MCTP1: variants seen among roughly 807,000 people sequenced by gnomAD.
The protein encoded by MCTP1 is multiple C2 and transmembrane domain-containing protein 1.
MCTP1 carries 69 observed loss-of-function variants against 120.6 expected under a neutral mutation model. The ratio of observed to expected loss-of-function variants is 0.57; its 90% CI spans 0.47 to 0.70. The LOEUF (loss-of-function observed/expected upper bound fraction) is 0.70, where lower values mean the gene tolerates loss of function less well. MCTP1 is among the 30% of genes least tolerant of loss of function. The probability of loss-of-function intolerance (pLI) is 0.00; values close to 1 mark genes in which losing one functional copy is unlikely to be tolerated. For synonymous variants in MCTP1, 529 were observed against 493.1 expected (o/e 1.07, Z -0.96); for missense variants, 1,203 against 1,248.8 (o/e 0.96, Z 0.55).
At chr5:95,002,348 C>G (rs1347575580) in intron 2 of MCTP1, among the ~76,000 whole-genome samples, 1 of 152,148 alleles carries the variant, frequency 6.6e-6, no homozygotes, top group African/African-American at 2.4e-5. Flanking sequence ...CTCCAGATCC[C>G]AGAATGGTAG....
At chr5:95,237,548 G>C (rs1302847060) in intron 1 of MCTP1, among the ~76,000 whole-genome samples, 1 of 152,106 alleles carries the variant, frequency 6.6e-6, no homozygotes, top group East Asian at 1.9e-4. Context: ...AGGAACCTTT[G>C]CTAGAAGTTA....
intron 1 of MCTP1, among the ~76,000 whole-genome samples, chr5:95,165,920 G>GTCATAACC (rs1326663875): frequency 1.3e-5 from 2 of 152,114 alleles, no homozygotes; most frequent in Non-Finnish European, 2.9e-5. Context: ...CTCAGGGCTT[G>GTCATAACC]TCATAACCAC....
intron 8 of MCTP1, among the ~76,000 whole-genome samples, chr5:94,916,615 A>C (rs1211526005): frequency 6.6e-6 from 1 of 152,246 alleles, no homozygotes; most frequent in East Asian, 1.9e-4. Context: ...GAAACTTTGC[A>C]AACTATGAAA....
At chr5:94,708,897 A>G (rs1755705670) in intron 21 of MCTP1, 2 of 221,030 alleles carry the variant, frequency 9.0e-6, no homozygotes, top group Admixed American at 5.3e-5. Flanking sequence ...GTTACAGTCT[A>G]CTTAGAAGCC....
intron 1 of MCTP1, among the ~76,000 whole-genome samples, chr5:95,097,086 C>T (rs977007923): frequency 1.6e-4 from 25 of 151,830 alleles, no homozygotes; most frequent in African/African-American, 6.1e-4. Flanking sequence ...ATCAGCAATG[C>T]CTATTTGTAT....
At chr5:95,111,447 T>C (rs1395194457) in intron 1 of MCTP1, among the ~76,000 whole-genome samples, 4 of 152,180 alleles carry the variant, frequency 2.6e-5, no homozygotes, top group African/African-American at 7.2e-5. Flanking sequence ...GCTTCTGGTA[T>C]ACAGAATGAC....
At chr5:94,715,073 C>T (rs920080224) in intron 19 of MCTP1, among the ~76,000 whole-genome samples, 187 bp from the exon 20 acceptor site, 1 of 152,028 alleles carries the variant, frequency 6.6e-6, no homozygotes, top group South Asian at 2.1e-4. Context: ...GGGGACCCAG[C>T]ATCATGGATT....
chr5:94,845,752 A>G (rs1383822538), intron 17 of MCTP1, among the ~76,000 whole-genome samples: 2 of 152,038 alleles, frequency 1.3e-5, no homozygotes, highest in Non-Finnish European at 2.9e-5. Context: ...GGGTTTTGCT[A>G]TGTTGCCCAG....
chr5:95,148,195 T>C (rs11748752), intron 1 of MCTP1, among the ~76,000 whole-genome samples: 6,878 of 152,248 alleles, frequency 0.045, 245 homozygotes, highest in East Asian at 0.15. Flanking sequence ...TTGTCTTGTA[T>C]AGTATCTCAT....
chr5:94,983,669 A>G (rs200452824), intron 2 of MCTP1, among the ~76,000 whole-genome samples: 491 of 7,708 alleles, frequency 0.064, 1 homozygote, highest in Middle Eastern at 0.12. Flanking sequence ...CTGTCTGTCA[A>G]TCTATCTATC....
chr5:94,811,015 A>G (rs779950916), intron 17 of MCTP1, among the ~76,000 whole-genome samples: 5 of 152,260 alleles, frequency 3.3e-5, no homozygotes, highest in Middle Eastern at 3.4e-3. Flanking sequence ...TTCATCTCCC[A>G]TTCCGTCTTA....
intron 17 of MCTP1, among the ~76,000 whole-genome samples, chr5:94,814,620 A>G (rs1458130273): frequency 6.6e-6 from 1 of 152,204 alleles, no homozygotes; most frequent in African/African-American, 2.4e-5. Flanking sequence ...GAAAAATATA[A>G]TCAGTTAAAA....
At chr5:95,254,720 C>G (rs574521812) in intron 1 of MCTP1, among the ~76,000 whole-genome samples, 59 of 152,222 alleles carry the variant, frequency 3.9e-4, no homozygotes, top group African/African-American at 1.3e-3. Flanking sequence ...CCAAGTTAAT[C>G]CTCTCTATGT....
At chr5:94,763,016 C>A (rs1771691903) in intron 19 of MCTP1, among the ~76,000 whole-genome samples, 2 of 152,170 alleles carry the variant, frequency 1.3e-5, no homozygotes, top group Non-Finnish European at 2.9e-5. Flanking sequence ...ACATTAAAAT[C>A]TCCTTTACTC....
chr5:94,759,500 CAT>C (rs1770768207), intron 19 of MCTP1, among the ~76,000 whole-genome samples: 1 of 152,154 alleles, frequency 6.6e-6, no homozygotes, highest in African/African-American at 2.4e-5. Flanking sequence ...TAATACTATA[CAT>C]ATGATAGTTA....
intron 18 of MCTP1, among the ~76,000 whole-genome samples, chr5:94,794,433 A>T (rs1488610109): frequency 1.3e-5 from 2 of 152,204 alleles, no homozygotes; most frequent in Non-Finnish European, 2.9e-5. Context: ...AATTCATGCA[A>T]GGTTACTGGT....
At chr5:94,751,458 A>C (rs1029834568) in intron 19 of MCTP1, among the ~76,000 whole-genome samples, 11 of 151,782 alleles carry the variant, frequency 7.2e-5, no homozygotes, top group African/African-American at 2.4e-4. Flanking sequence ...AAGACTTCTC[A>C]AAGGCAGGTG....
chr5:95,205,968 T>C (rs1009417933), intron 1 of MCTP1, among the ~76,000 whole-genome samples: 3 of 152,126 alleles, frequency 2.0e-5, no homozygotes, highest in Admixed American at 6.6e-5. Context: ...CTTTGGAAAA[T>C]AGTCTGGAAG....
At chr5:95,052,716 A>G (rs1257526564) in intron 1 of MCTP1, among the ~76,000 whole-genome samples, 1 of 152,188 alleles carries the variant, frequency 6.6e-6, no homozygotes, top group African/African-American at 2.4e-5. Context: ...AAAATTAGTA[A>G]TAAACAAAGG....
Sources: allele counts gnomAD v4.1 joint callset (sites outside exome capture counted in the v4.1 genomes callset), GRCh38; gene constraint gnomAD v4.1.1; transcripts MANE v1.5; gene names NCBI Gene and HGNC (gene_info 2026-07-23, HGNC 2026-07-21).